Variants in SLC25A22 observed in about 807,000 individuals in gnomAD.
The protein encoded by SLC25A22 is solute carrier family 25 member 22, also known as mitochondrial glutamate carrier 1.
Under a neutral mutation model 33.7 loss-of-function variants are expected in SLC25A22, and 23 were observed. The ratio of observed to expected loss-of-function variants is 0.68; its 90% CI spans 0.49 to 0.97. The LOEUF is 0.97. Ranked by LOEUF, SLC25A22 falls within the 50% of genes least tolerant of loss-of-function variation. SLC25A22 has a pLI of 0.00. For missense variants in SLC25A22, 390 were observed against 451.1 expected, an observed-to-expected ratio of 0.86 and a Z score of 1.23; for synonymous variants, 245 against 203.8, an observed-to-expected ratio of 1.20 and a Z score of -1.72.
At position 793,561 on chromosome 11, in the gene SLC25A22, G is replaced by T. The variant is rs761435084; in HGVS notation, c.261C>A (p.Asn87Lys). Residue 87 changes from asparagine to lysine, a missense_variant, in exon 5 of 10, where the codon AAC (asparagine) becomes AAA (lysine). Transcript: ENST00000628067. ...TPEKAIKLAA[N>K]DFFRHQLSKD... ...TAGAGAGCTGATGTCGGAAGAAGTC[G>T]TTGGCTGCCAGCTTGATGGCCTTCT... The T allele has an allele frequency of 6.2e-7, 1 of 1,613,170 alleles. No individual in the cohort carries two copies. The highest frequency in any genetic ancestry group is 8.5e-7 in the Non-Finnish European group (1 of 1,179,982).
At position 795,014 on chromosome 11, in the gene SLC25A22, G is replaced by T; in HGVS notation, c.-8C>A. On this transcript the variant is annotated 5_prime_UTR_variant, in exon 2 of 10. Transcript: ENST00000628067. ...GATCTGCTTATCAGCCATTTAACTCGATTGCACCCAGGTAGGAGCCGCAGA... is the reference window on the plus strand; with the variant it reads ...GATCTGCTTATCAGCCATTTAACTCTATTGCACCCAGGTAGGAGCCGCAGA... 3.2e-6 allele frequency: 5 copies of T among 1,552,842 alleles called. No individual in the cohort carries two copies. The highest frequency in any genetic ancestry group is 4.4e-6 in the Non-Finnish European group (5 of 1,148,184).
rs769239083 is a variant in SLC25A22, at chr11:791,904, G to C, written c.*11C>G. On this transcript the variant is annotated 3_prime_UTR_variant, in exon 10 of 10. Coordinates refer to ENST00000628067, the MANE Select transcript of SLC25A22 (RefSeq NM_001191061.2). ...CCTGCCCAGCTGGCTGGGGTGGAGC[G>C]GGTGCTGGGCTCAGGCCTGGGGGTC... The C allele has an allele frequency of 1.9e-6, 3 of 1,587,572 alleles. No homozygotes were observed. Among genetic ancestry groups the C allele is most frequent in the Non-Finnish European group, 2.6e-6 (3 of 1,173,896 alleles).
intron 6 of SLC25A22, 50 bp from the exon 7 acceptor site, chr11:792,777 G>A (rs1864603365): frequency 3.2e-6 from 5 of 1,547,714 alleles, no homozygotes; most frequent in Non-Finnish European, 4.3e-6. Flanking sequence ...CTGGGCAGGG[G>A]ACACGCTCTG....
Position 792,558 on chromosome 11 carries a change from C to A in SLC25A22, c.582G>T (p.Leu194=). The A allele has an allele frequency of 6.2e-7, 1 of 1,612,326 alleles. No individual in the cohort carries two copies. Among genetic ancestry groups the A allele is most frequent in the Non-Finnish European group, 8.5e-7 (1 of 1,179,802 alleles). Residue 194 remains leucine (L), a synonymous_variant, in exon 7 of 10, where the codon CTG becomes CTT. Coordinates refer to ENST00000628067, the MANE Select transcript of SLC25A22 (RefSeq NM_001191061.2). ...ACCTGCCCTGTGCCTCCTACCTGAG[C>A]AGCGTGGCCCCGAGTCCCTTGTAGA... ...AGLYKGLGAT[L]LRDVPFSVVY...
rs1590122449 is a variant in SLC25A22, at chr11:794,852, T to C, written c.70A>G (p.Thr24Ala). ...NGGIAGLIGV[T>A]CVFPIDLAKT... ...GCCAGGTCGATGGGAAACACGCAGGTGACACCGATCAGCCCGGCGATGCCG... is the reference window on the plus strand; with the variant it reads ...GCCAGGTCGATGGGAAACACGCAGGCGACACCGATCAGCCCGGCGATGCCG... Residue 24 changes from threonine (T) to alanine (A), a missense_variant, in exon 3 of 10, where the codon ACC becomes GCC. Transcript: ENST00000628067. 1.3e-6 allele frequency: 2 copies of C among 1,579,812 alleles called. No individual in the cohort carries two copies. Among genetic ancestry groups the C allele is most frequent in the East Asian group, 2.3e-5 (1 of 43,634 alleles).
Position 792,952 on chromosome 11 carries a change from G to A in SLC25A22, c.330C>T (p.Gly110=), listed in dbSNP as rs1250289016. 3 of 1,613,324 alleles carry A rather than the reference G, an allele frequency of 1.9e-6. No homozygotes were observed. Among genetic ancestry groups the A allele is most frequent in the South Asian group, 2.2e-5 (2 of 91,076 alleles). ...TCACCTGGCAGGTGCCAGCCCCACA[G>A]CCCGCCAGCATCTCTTTAAGCAGGG... ...KLTLLKEMLA[G]CGAGTCQVIV... is the part of the protein sequence containing the mutation. The change falls in exon 6 of 10, where the codon GGC becomes GGT. Residue 110 remains glycine (G), a synonymous_variant. Coordinates refer to ENST00000628067, the MANE Select transcript of SLC25A22 (RefSeq NM_001191061.2).
intron 1 of SLC25A22, chr11:796,256 G>C (rs1864821094): frequency 6.6e-6 from 1 of 151,592 alleles, no homozygotes; most frequent in East Asian, 1.9e-4. Flanking sequence ...AGGGGAAGCT[G>C]CCGGGGGAGG....
At chr11:792,527 C>G in intron 7 of SLC25A22, 26 bp downstream of exon 7, 26 of 1,612,044 alleles carry the variant, frequency 1.6e-5, no homozygotes, top group Non-Finnish European at 2.2e-5. Flanking sequence ...CCCCTTCCCT[C>G]CCCCCACCTG....
chr11:794,116 G>A (rs576347962), intron 4 of SLC25A22: 14 of 594,808 alleles, frequency 2.4e-5, no homozygotes, highest in Admixed American at 1.3e-4. Flanking sequence ...GCTGCTTTGC[G>A]GTAATGCCCC....
chr11:794,799 G>A lies in SLC25A22; in HGVS notation c.123C>T (p.Asn41=), dbSNP rs544915540. 24 of 1,596,932 alleles carry A rather than the reference G, an allele frequency of 1.5e-5. No homozygotes were observed. The highest frequency in any genetic ancestry group is 1.5e-4 in the African/African-American group (11 of 74,932). Residue 41 remains asparagine (N), a synonymous_variant, in exon 3 of 10, where the codon AAC becomes AAT. Transcript: ENST00000628067. The part of the protein sequence containing the change: ...LAKTRLQNQQ[N]GQRVYTSMSD... The stretch of plus-strand genomic sequence containing the variant: ...ACATGCTCGTGTACACGCGCTGGCC[G>A]TTCTGCTGGTTCTGCAGCCTGGTCT...
Position 791,675 on chromosome 11 carries a change from G to C in SLC25A22, c.*240C>G. ...GCAGGATTGGGGCAGGGGCTAGCTT[G>C]AGGAATGTAAAGATTTCTGCATTTT... On this transcript the variant is annotated 3_prime_UTR_variant, in exon 10 of 10. Coordinates refer to ENST00000628067, the MANE Select transcript of SLC25A22 (RefSeq NM_001191061.2). 3.4e-6 allele frequency: 2 copies of C among 592,090 alleles called. No homozygotes were observed. Among genetic ancestry groups the C allele is most frequent in the Non-Finnish European group, 3.0e-6 (1 of 337,230 alleles). The allele number at this position is 592,090 out of a possible 1,614,324, so 36.7% of individuals were successfully genotyped here.
At chr11:793,104 G>T in intron 5 of SLC25A22, 116 bp from the exon 6 acceptor site, 2 of 964,838 alleles carry the variant, frequency 2.1e-6, no homozygotes, top group South Asian at 1.4e-5. Flanking sequence ...GCAGATGCAG[G>T]CCTGTGGGGG....
At chr11:793,173 G>A (rs1208442785) in intron 5 of SLC25A22, among the ~76,000 whole-genome samples, 185 bp from the exon 6 acceptor site, 2 of 152,168 alleles carry the variant, frequency 1.3e-5, no homozygotes, top group Non-Finnish European at 1.5e-5. Context: ...ATGGACAGAC[G>A]GCCCCACAGG....
chr11:794,143 C>T, intron 4 of SLC25A22: 2 of 654,298 alleles, frequency 3.1e-6, no homozygotes, highest in Non-Finnish European at 5.6e-6. Context: ...CCTCCCATCC[C>T]CAGCCACAAA....
chr11:797,401 T>C, intron 1 of SLC25A22: 1 of 388,674 alleles, frequency 2.6e-6, no homozygotes. Flanking sequence ...GCCCTCCCCC[T>C]GCACTGATGT....
chr11:794,083 C>A (rs1864667232), intron 4 of SLC25A22: 1 of 527,686 alleles, frequency 1.9e-6, no homozygotes, highest in South Asian at 1.8e-5. Context: ...TCTGCCAAAT[C>A]TAGGCTCTGG....
chr11:793,200 G>A (rs1277824223), intron 5 of SLC25A22, among the ~76,000 whole-genome samples: 1 of 152,198 alleles, frequency 6.6e-6, no homozygotes, highest in Non-Finnish European at 1.5e-5. Context: ...CCTGGGGAGG[G>A]CAGTGGGGCT....
At chr11:793,446 A>T in intron 5 of SLC25A22, 83 bp downstream of exon 5, 1 of 1,349,180 alleles carries the variant, frequency 7.4e-7, no homozygotes, top group Non-Finnish European at 1.1e-6. Flanking sequence ...CAGAGCCCCC[A>T]GGTGGGACCC....
intron 1 of SLC25A22, among the ~76,000 whole-genome samples, chr11:797,163 C>T (rs898558879): frequency 6.6e-6 from 1 of 152,194 alleles, no homozygotes; most frequent in Non-Finnish European, 1.5e-5. Context: ...GGGGAGCGGC[C>T]ATTCGTCCCA....
Sources: gnomAD v4.1 joint callset for allele counts (sites outside exome capture counted in the v4.1 genomes callset) on GRCh38, gnomAD v4.1.1 for gene constraint, MANE v1.5 for transcripts, NCBI Gene and HGNC (gene_info 2026-07-23, HGNC 2026-07-21) for gene names.